Variants in OR2L13 observed in about 807,000 individuals in gnomAD.
OR2L13 encodes the protein olfactory receptor 2L13.
Under a neutral mutation model 15.3 loss-of-function variants are expected in OR2L13, and 14 were observed. The observed-to-expected ratio is 0.91, with a 90% CI of 0.60 to 1.43. OR2L13 has a LOEUF of 1.43. Among genes scored for constraint, OR2L13 ranks in the 40% most tolerant of loss-of-function variants. The pLI, the probability that OR2L13 is intolerant of heterozygous loss-of-function variation, is 0.00. For missense variants in OR2L13, 367 were observed against 387.9 expected, an observed-to-expected ratio of 0.95 and a Z score of 0.45; for synonymous variants, 152 against 142.9, an observed-to-expected ratio of 1.06 and a Z score of -0.45.
chr1:248,073,220 C>G, the OR2L13 span, among the ~76,000 whole-genome samples: 1 of 151,332 alleles, frequency 6.6e-6, no homozygotes, highest in South Asian at 2.1e-4. Context: ...AGACTTGCAA[C>G]CAACCCAAAT....
the OR2L13 span, among the ~76,000 whole-genome samples, chr1:248,016,103 A>T: frequency 6.6e-6 from 1 of 152,174 alleles, no homozygotes; most frequent in African/African-American, 2.4e-5. Context: ...GAATATGTGA[A>T]TTACTTAAAT....
At chr1:248,021,991 G>T in the OR2L13 span, 1 of 1,613,684 alleles carries the variant, frequency 6.2e-7, no homozygotes, top group Non-Finnish European at 8.5e-7. Flanking sequence ...ATCTTATTGG[G>T]GCTGTTCCCA....
At chr1:248,067,743 G>C in the OR2L13 span, among the ~76,000 whole-genome samples, 992 of 152,270 alleles carry the variant, frequency 6.5e-3, 18 homozygotes, top group African/African-American at 0.023. Flanking sequence ...TTTCCTAGTC[G>C]AAGAAAGGGG....
At chr1:248,084,435 T>A in the OR2L13 span, 5 of 1,596,378 alleles carry the variant, frequency 3.1e-6, no homozygotes, top group Non-Finnish European at 4.2e-6. Flanking sequence ...CATGGGCGTG[T>A]GGAGCCGGCC....
the OR2L13 span, among the ~76,000 whole-genome samples, chr1:248,024,613 C>A: frequency 1.3e-5 from 2 of 152,098 alleles, no homozygotes; most frequent in Non-Finnish European, 2.9e-5. Flanking sequence ...CCAGTTTCAG[C>A]TTTCTACATA....
the OR2L13 span, among the ~76,000 whole-genome samples, chr1:248,073,683 AT>A: frequency 4.6e-5 from 7 of 151,570 alleles, no homozygotes; most frequent in Admixed American, 4.6e-4. Context: ...AAAAAGAAGC[AT>A]GGATGTTAGC....
chr1:248,007,187 A>G, the OR2L13 span, among the ~76,000 whole-genome samples: 1 of 152,198 alleles, frequency 6.6e-6, no homozygotes, highest in South Asian at 2.1e-4. Flanking sequence ...ACTGAAAAAC[A>G]ATATGGATGC....
the OR2L13 span, among the ~76,000 whole-genome samples, chr1:247,999,955 T>C: frequency 0.056 from 8,554 of 152,162 alleles, 736 homozygotes; most frequent in African/African-American, 0.19. Context: ...ATTACAGATA[T>C]CACTTCAGAA....
chr1:248,009,470 C>G, the OR2L13 span, among the ~76,000 whole-genome samples: 2 of 152,048 alleles, frequency 1.3e-5, no homozygotes, highest in Non-Finnish European at 2.9e-5. Context: ...AAGTCTAAAC[C>G]AGGAAGAAGT....
chr1:247,966,308 G>A, the OR2L13 span: 4 of 1,613,144 alleles, frequency 2.5e-6, no homozygotes, highest in East Asian at 2.2e-5. Context: ...TGGATATGCT[G>A]TAGAAAATAT....
the OR2L13 span, chr1:247,965,396 G>A: frequency 6.8e-6 from 11 of 1,610,496 alleles, no homozygotes; most frequent in Admixed American, 1.7e-5. Flanking sequence ...GGAAATCAAA[G>A]TTTTGGGACA....
chr1:247,943,129 C>A, the OR2L13 span, among the ~76,000 whole-genome samples: 1 of 152,070 alleles, frequency 6.6e-6, no homozygotes, highest in South Asian at 2.1e-4. Flanking sequence ...TTCTTTCTGC[C>A]TTTGGGCTAT....
the OR2L13 span, chr1:248,062,193 A>G: frequency 2.0e-5 from 3 of 152,508 alleles, no homozygotes; most frequent in African/African-American, 7.2e-5. Context: ...GGCCTATGAC[A>G]AGATTATGTT....
At chr1:248,027,945 C>G in the OR2L13 span, among the ~76,000 whole-genome samples, 1 of 151,808 alleles carries the variant, frequency 6.6e-6, no homozygotes, top group South Asian at 2.1e-4. Context: ...TCAAGACCAT[C>G]CTGGCTAACA....
chr1:248,015,830 G>A, the OR2L13 span, among the ~76,000 whole-genome samples: 1 of 152,144 alleles, frequency 6.6e-6, no homozygotes, highest in Non-Finnish European at 1.5e-5. Flanking sequence ...CCAACTTTAA[G>A]AGGAACAGCC....
At chr1:248,016,379 C>A in the OR2L13 span, among the ~76,000 whole-genome samples, 1 of 151,956 alleles carries the variant, frequency 6.6e-6, no homozygotes, top group South Asian at 2.1e-4. Flanking sequence ...AATTGTATTT[C>A]TTTTAGATTT....
the OR2L13 span, among the ~76,000 whole-genome samples, chr1:248,077,979 AT>A: frequency 6.6e-6 from 1 of 152,238 alleles, no homozygotes; most frequent in Non-Finnish European, 1.5e-5. Flanking sequence ...GATAAAAGAC[AT>A]TAAGAGGCAT....
chr1:248,076,866 T>C, the OR2L13 span, among the ~76,000 whole-genome samples: 10 of 152,142 alleles, frequency 6.6e-5, no homozygotes, highest in Admixed American at 2.0e-4. Context: ...CTGGCCAGAA[T>C]TTCCAACACT....
chr1:247,993,960 T>C, the OR2L13 span, among the ~76,000 whole-genome samples: 1 of 152,080 alleles, frequency 6.6e-6, no homozygotes, highest in Non-Finnish European at 1.5e-5. Flanking sequence ...ACGAACACAA[T>C]GTGTGGCAGG....
Sources: gnomAD v4.1 joint callset for allele counts (sites outside exome capture counted in the v4.1 genomes callset) on GRCh38, gnomAD v4.1.1 for gene constraint, MANE v1.5 for transcripts, NCBI Gene and HGNC (gene_info 2026-07-23, HGNC 2026-07-21) for gene names.